GAS2: variants seen among roughly 807,000 people sequenced by gnomAD.
GAS2 encodes growth arrest specific 2, also known as growth arrest-specific protein 2.
Under a neutral mutation model 37.5 loss-of-function variants are expected in GAS2, and 20 were observed. The ratio of observed to expected loss-of-function variants is 0.53; its 90% CI spans 0.37 to 0.77. The LOEUF is 0.77. GAS2 is among the 30% of genes least tolerant of loss of function. The pLI is 0.00. For synonymous variants in GAS2, 144 were observed against 132.2 expected (o/e 1.09, Z -0.61); for missense variants, 336 against 373.4 (o/e 0.90, Z 0.82).
At chr11:22,640,566 A>G (rs901840667) in intron 1 of GAS2, among the ~76,000 whole-genome samples, 4 of 152,186 alleles carry the variant, frequency 2.6e-5, no homozygotes, top group Non-Finnish European at 5.9e-5. Context: ...GAACTTATTT[A>G]AAAGTCTTGA....
At chr11:22,694,708 A>C (rs1176447866) in intron 3 of GAS2, among the ~76,000 whole-genome samples, 1 of 152,186 alleles carries the variant, frequency 6.6e-6, no homozygotes, top group African/African-American at 2.4e-5. Flanking sequence ...TAATAGGGTC[A>C]TTTTATGCTA....
At chr11:22,761,153 C>A (rs1854372984) in intron 7 of GAS2, among the ~76,000 whole-genome samples, 1 of 152,062 alleles carries the variant, frequency 6.6e-6, no homozygotes, top group South Asian at 2.1e-4. Flanking sequence ...GGATAATATG[C>A]CTTGTCTTTC....
intron 3 of GAS2, among the ~76,000 whole-genome samples, chr11:22,694,292 G>T (rs1174330602): frequency 1.3e-5 from 2 of 152,158 alleles, no homozygotes; most frequent in Non-Finnish European, 2.9e-5. Context: ...GGCCTCTCCA[G>T]ATTGTATTCT....
At chr11:22,765,695 C>T (rs1854649903) in intron 7 of GAS2, among the ~76,000 whole-genome samples, 1 of 151,574 alleles carries the variant, frequency 6.6e-6, no homozygotes, top group African/African-American at 2.4e-5. Context: ...AGGAGAATGG[C>T]GTGAACCCAG....
intron 1 of GAS2, among the ~76,000 whole-genome samples, chr11:22,627,667 C>T (rs1438633701): frequency 2.0e-5 from 3 of 151,192 alleles, no homozygotes; most frequent in East Asian, 2.0e-4. Context: ...CCTAGCTAAT[C>T]GGGAGGTTAA....
intron 7 of GAS2, among the ~76,000 whole-genome samples, chr11:22,777,216 T>C (rs10437614): frequency 0.018 from 2,690 of 152,280 alleles, 71 homozygotes; most frequent in African/African-American, 0.062. Context: ...AGTACAAGTT[T>C]ATCAACAATA....
At chr11:22,720,594 C>T (rs897928413) in intron 3 of GAS2, among the ~76,000 whole-genome samples, 17 of 152,042 alleles carry the variant, frequency 1.1e-4, no homozygotes, top group Admixed American at 9.9e-4. Context: ...CAGGCGGAAA[C>T]ATTAATTCCA....
intron 7 of GAS2, among the ~76,000 whole-genome samples, chr11:22,782,177 G>A (rs1282229670): frequency 6.6e-6 from 1 of 152,024 alleles, no homozygotes; most frequent in Non-Finnish European, 1.5e-5. Context: ...CAACTATTGT[G>A]GGAATGAATT....
chr11:22,718,761 CTTAATT>C (rs1287953678), intron 3 of GAS2, among the ~76,000 whole-genome samples: 3 of 152,022 alleles, frequency 2.0e-5, no homozygotes, highest in Admixed American at 6.6e-5. Flanking sequence ...CACCAATTGA[CTTAATT>C]TTAAAGTGTA....
At chr11:22,663,686 A>G (rs948785262), upstream of GAS2, among the ~76,000 whole-genome samples, 10 of 152,184 alleles carry the variant, frequency 6.6e-5, no homozygotes, top group Admixed American at 5.2e-4. Context: ...TGAACTTTAC[A>G]TATGAAATTT....
intron 3 of GAS2, among the ~76,000 whole-genome samples, chr11:22,700,446 A>G (rs925501000): frequency 7.9e-5 from 12 of 152,296 alleles, no homozygotes; most frequent in African/African-American, 1.4e-4. Flanking sequence ...TCCAGTCGTA[A>G]AGACGGAAGA....
chr11:22,705,942 G>A (rs1458441055), intron 3 of GAS2, among the ~76,000 whole-genome samples: 1 of 152,118 alleles, frequency 6.6e-6, no homozygotes, highest in Non-Finnish European at 1.5e-5. Flanking sequence ...AGGGAATATA[G>A]AGTGTGCCAA....
intron 2 of GAS2, among the ~76,000 whole-genome samples, chr11:22,677,515 G>A (rs573765018): frequency 1.3e-5 from 2 of 152,298 alleles, no homozygotes; most frequent in African/African-American, 2.4e-5. Flanking sequence ...GGAAGAGTAT[G>A]ATTAATTAGA....
At chr11:22,641,628 T>C (rs1295906691) in intron 1 of GAS2, among the ~76,000 whole-genome samples, 1 of 152,012 alleles carries the variant, frequency 6.6e-6, no homozygotes, top group Non-Finnish European at 1.5e-5. Context: ...ACACACCTTT[T>C]TGATTCCCTT....
chr11:22,716,254 C>G (rs970253223), intron 3 of GAS2, among the ~76,000 whole-genome samples: 1 of 152,132 alleles, frequency 6.6e-6, no homozygotes, highest in African/African-American at 2.4e-5. Flanking sequence ...AACATTTCCT[C>G]TGAGAACTGG....
intron 3 of GAS2, among the ~76,000 whole-genome samples, chr11:22,710,171 A>T (rs539715452): frequency 3.9e-5 from 6 of 152,122 alleles, no homozygotes; most frequent in African/African-American, 7.2e-5. Context: ...ATAATAATTT[A>T]AAAAAGGAAA....
At chr11:22,806,018 G>T (rs111933758) in intron 7 of GAS2, among the ~76,000 whole-genome samples, 1 of 152,002 alleles carries the variant, frequency 6.6e-6, no homozygotes, top group Non-Finnish European at 1.5e-5. Context: ...GCTGTGTCTT[G>T]TGCTGACCTT....
At chr11:22,673,889 A>T (rs1849304106) in intron 1 of GAS2, among the ~76,000 whole-genome samples, 1 of 152,254 alleles carries the variant, frequency 6.6e-6, no homozygotes, top group Non-Finnish European at 1.5e-5. Context: ...TAGATGTAAG[A>T]TATTTAAGTA....
At chr11:22,755,364 C>T (rs1045613960) in intron 6 of GAS2, among the ~76,000 whole-genome samples, 1 of 151,842 alleles carries the variant, frequency 6.6e-6, no homozygotes, top group Non-Finnish European at 1.5e-5. Flanking sequence ...AAACAATAGT[C>T]TCCTTAAAAA....
Sources: gnomAD v4.1 joint callset for allele counts (sites outside exome capture counted in the v4.1 genomes callset) on GRCh38, gnomAD v4.1.1 for gene constraint, MANE v1.5 for transcripts, NCBI Gene and HGNC (gene_info 2026-07-23, HGNC 2026-07-21) for gene names.